The following YBEY variants were observed in gnomAD, a reference collection of about 807,000 sequenced individuals.
YBEY encodes ybeY metalloendoribonuclease, also known as endoribonuclease YbeY.
A neutral mutation model predicts 13.5 loss-of-function variants in YBEY; 15 were observed. The ratio of observed to expected loss-of-function variants is 1.11; its 90% confidence interval spans 0.75 to 1.72. The LOEUF is 1.72. Among genes scored for constraint, YBEY ranks in the 40% most tolerant of loss-of-function variants. The probability of loss-of-function intolerance (pLI) is 0.00; values close to 1 mark genes in which losing one functional copy is unlikely to be tolerated. For synonymous variants in YBEY, 101 were observed against 83.1 expected, an observed-to-expected ratio of 1.21 and a Z score of -1.17; for missense variants, 244 against 208.4, an observed-to-expected ratio of 1.17 and a Z score of -1.05.
chr21:46,295,349 G>A (rs2081915761), intron 3 of YBEY, among the ~76,000 whole-genome samples: 1 of 151,738 alleles, frequency 6.6e-6, no homozygotes, highest in African/African-American at 2.4e-5. Context: ...CCTCCCGCCA[G>A]CCCCAAGGAT....
At chr21:46,300,753 G>A (rs963354093), downstream of YBEY, 1 of 1,289,234 alleles carries the variant, frequency 7.8e-7, no homozygotes, top group African/African-American at 1.5e-5. Context: ...ACTGGGACAG[G>A]GTTCCTCCTT....
At chr21:46,296,314 T>G in intron 4 of YBEY, 84 bp downstream of exon 4, 1 of 1,456,862 alleles carries the variant, frequency 6.9e-7, no homozygotes, top group Non-Finnish European at 9.3e-7. Flanking sequence ...CCACCCTCCA[T>G]CTTGACCGCC....
chr21:46,312,782 G>A, the YBEY span, among the ~76,000 whole-genome samples: 3 of 152,210 alleles, frequency 2.0e-5, no homozygotes, highest in Non-Finnish European at 2.9e-5. Context: ...GGGCAGACCC[G>A]TGGGTAGGAT....
the YBEY span, among the ~76,000 whole-genome samples, chr21:46,310,957 G>A: frequency 6.6e-6 from 1 of 151,688 alleles, no homozygotes; most frequent in Non-Finnish European, 1.5e-5. Flanking sequence ...TGCAACCTCC[G>A]CCTCCCAGGT....
intron 2 of YBEY, among the ~76,000 whole-genome samples, chr21:46,288,080 G>A (rs1345924017): frequency 1.3e-5 from 2 of 151,386 alleles, no homozygotes; most frequent in Admixed American, 6.6e-5. Flanking sequence ...TGCTCTCAGT[G>A]AATTAGAAGA....
At chr21:46,302,565 G>T (rs2082156530), downstream of YBEY, 1 of 1,611,336 alleles carries the variant, frequency 6.2e-7, no homozygotes, top group Non-Finnish European at 8.5e-7. Flanking sequence ...AGCAGCAGCA[G>T]CTCCACCATG....
chr21:46,296,036 G>A (rs2081941925), intron 3 of YBEY, 126 bp from the exon 4 acceptor site: 1 of 879,930 alleles, frequency 1.1e-6, no homozygotes, highest in African/African-American at 1.7e-5. Context: ...TCCTGCCCAG[G>A]GGTCTCACAG....
chr21:46,303,707 AAATATATATATAT>A, the YBEY span, among the ~76,000 whole-genome samples: 88 of 41,470 alleles, frequency 2.1e-3, no homozygotes, highest in East Asian at 6.1e-3. Flanking sequence ...CACACACACA[AAATATATATATAT>A]ATATATATAT....
chr21:46,287,037 G>A lies in YBEY; in HGVS notation c.124G>A (p.Val42Ile). Reference sequence around the variant, plus strand: ...GAAATTTGACCTGGGGATCATCTGTGTTGACAACAAGAATATTCAGCACAT... The same window carrying A: ...GAAATTTGACCTGGGGATCATCTGTATTGACAACAAGAATATTCAGCACAT... ...VQKFDLGIIC[V>I]DNKNIQHINR... The change falls in exon 2 of 5, where the codon GTT (valine) becomes ATT (isoleucine). Residue 42 changes from valine to isoleucine, a missense_variant. Physicochemically the swap from Val to Ile is conservative, Grantham distance 29. Coordinates refer to ENST00000397701, the MANE Select transcript of YBEY (RefSeq NM_001314025.2). 1 of 1,613,642 alleles carries A rather than the reference G, an allele frequency of 6.2e-7. No homozygotes were observed. The highest frequency in any genetic ancestry group is 8.5e-7 in the Non-Finnish European group (1 of 1,179,976).
At chr21:46,305,818 T>C in the YBEY span, among the ~76,000 whole-genome samples, 1 of 151,780 alleles carries the variant, frequency 6.6e-6, no homozygotes, top group African/African-American at 2.4e-5. Flanking sequence ...GGCGGGCACA[T>C]GTAGACCCAG....
intron 2 of YBEY, 137 bp from the exon 3 acceptor site, chr21:46,291,197 C>CA (rs878872964): frequency 0.096 from 61,611 of 644,428 alleles, 14 homozygotes; most frequent in East Asian, 0.11. Context: ...AACTCCGTCT[C>CA]AAAAAAAAAA....
At chr21:46,309,604 T>C in the YBEY span, among the ~76,000 whole-genome samples, 1 of 152,218 alleles carries the variant, frequency 6.6e-6, no homozygotes, top group East Asian at 1.9e-4. Context: ...GAACCATTTA[T>C]TGATACACCC....
the YBEY span, among the ~76,000 whole-genome samples, chr21:46,311,283 CTT>C: frequency 1.3e-5 from 2 of 152,300 alleles, no homozygotes; most frequent in African/African-American, 4.8e-5. Context: ...TCTTATACCT[CTT>C]GTTTCCTTCC....
At chr21:46,289,357 G>C (rs1419002905) in intron 2 of YBEY, among the ~76,000 whole-genome samples, 4 of 152,030 alleles carry the variant, frequency 2.6e-5, no homozygotes, top group African/African-American at 9.7e-5. Context: ...ATTTGGGATA[G>C]AGCATTGCAG....
At chr21:46,303,731 A>AT in the YBEY span, among the ~76,000 whole-genome samples, 1 of 28,430 alleles carries the variant, frequency 3.5e-5, no homozygotes, top group Non-Finnish European at 6.6e-5. Flanking sequence ...ATATATATAT[A>AT]TATATATATA....
rs148791876 is a variant in YBEY at position 46,292,587 on chromosome 21, C to T, written c.339+1125C>T. Among the ~76,000 whole-genome samples, 308 of 104,846 alleles carry T rather than the reference C, an allele frequency of 2.9e-3. 1 individual carries two copies. The highest frequency in any genetic ancestry group is 0.011 in the African/African-American group (283 of 25,098). 68.8% of individuals were successfully genotyped at this position (104,846 alleles called of 152,430 possible). On this transcript the variant is annotated intron_variant, in intron 3 of 4. Transcript: ENST00000397701. Reference sequence around the variant, plus strand: ...TAAACTCTAGATTAAATTCCTCCCGCGGTTAGCCTGACCCGTGCCCGGGAC... The same window carrying T: ...TAAACTCTAGATTAAATTCCTCCCGTGGTTAGCCTGACCCGTGCCCGGGAC...
intron 3 of YBEY, among the ~76,000 whole-genome samples, chr21:46,295,582 C>T (rs1294205194): frequency 6.6e-6 from 1 of 151,944 alleles, no homozygotes; most frequent in Non-Finnish European, 1.5e-5. Flanking sequence ...GGGGACATGG[C>T]GACTGTGGGT....
At chr21:46,291,969 C>A (rs774900667) in intron 3 of YBEY, 1 of 499,718 alleles carries the variant, frequency 2.0e-6, no homozygotes, top group Non-Finnish European at 2.6e-6. Context: ...AACTCAATCT[C>A]CCAGAGAACT....
downstream of YBEY, chr21:46,300,493 G>C (rs2082075750): frequency 3.7e-6 from 1 of 271,768 alleles, no homozygotes; most frequent in Non-Finnish European, 6.2e-6. Flanking sequence ...CTTGAAAAGA[G>C]GAAATGGAGT....
Sources: allele counts gnomAD v4.1 joint callset (sites outside exome capture counted in the v4.1 genomes callset), GRCh38; gene constraint gnomAD v4.1.1; transcripts MANE v1.5; gene names NCBI Gene and HGNC (gene_info 2026-07-23, HGNC 2026-07-21).